The following TUBA8 variants were observed in gnomAD, a reference collection of about 807,000 sequenced individuals.
TUBA8 encodes the protein tubulin alpha 8, also known as tubulin alpha-8 chain.
Under a neutral mutation model 34.7 loss-of-function variants are expected in TUBA8, and 29 were observed. That is an observed-to-expected ratio of 0.84 (90% CI 0.62 to 1.14). TUBA8 has a LOEUF of 1.14. Among genes scored for constraint, TUBA8 ranks in the 50% most tolerant of loss-of-function variants. The pLI is 0.00. For synonymous variants in TUBA8, 226 were observed against 231.2 expected (o/e 0.98, Z 0.21); for missense variants, 541 against 599.2 (o/e 0.90, Z 1.01).
In TUBA8 at chr22:18,118,350, T is replaced by C. The variant is rs758203098; in HGVS notation, c.4-3129T>C. On this transcript the variant is annotated intron_variant, in intron 1 of 4. Transcript: ENST00000330423. The surrounding 1 kb of genome is among the most constrained non-coding windows in gnomAD (Gnocchi z 4.0). ...GTCTGGATAGGGACAAATGAGTTTTTCTCTGGGGGTTTTCTTTGAGGACTT... is the reference window on the plus strand; with the variant it reads ...GTCTGGATAGGGACAAATGAGTTTTCCTCTGGGGGTTTTCTTTGAGGACTT... 7.9e-5 allele frequency: 12 copies of C among 152,260 alleles called. No homozygotes were observed. Among genetic ancestry groups the C allele is most frequent in the Admixed American group, 7.2e-4 (11 of 15,282 alleles). 9.4% of individuals were successfully genotyped at this position (152,260 alleles called of 1,614,324 possible).
In TUBA8 at chr22:18,131,102, C is replaced by T. The variant is rs545311543; in HGVS notation, c.1316C>T (p.Ser439Leu). Residue 439 changes from serine (S) to leucine (L), a missense_variant, in exon 5 of 5, where the codon TCG (serine) becomes TTG (leucine). By Grantham distance (145) the Ser-to-Leu change is moderately radical. Coordinates refer to ENST00000330423, the MANE Select transcript of TUBA8 (RefSeq NM_018943.3). This position sits in a 1 kb window ranked among gnomAD's most constrained non-coding sequence, Gnocchi z 5.3. Reference sequence around the variant, plus strand: ...GATTATGAAGAAGTGGGGACTGATTCGTTTGAAGAAGAAAATGAAGGGGAG... The same window carrying T: ...GATTATGAAGAAGTGGGGACTGATTTGTTTGAAGAAGAAAATGAAGGGGAG... ...EKDYEEVGTD[S>L]FEEENEGEEF 6.0e-5 allele frequency: 97 copies of T among 1,614,150 alleles called. No individual in the cohort carries two copies. The highest frequency in any genetic ancestry group is 7.8e-5 in the Non-Finnish European group (92 of 1,180,036).
chr22:18,123,903 C>T, intron 2 of TUBA8: 1 of 512,884 alleles, frequency 1.9e-6, no homozygotes, highest in South Asian at 2.0e-5. Flanking sequence ...AAAGCTAAGT[C>T]TTTTTAGGGT....
In TUBA8 at chr22:18,111,469, C is replaced by G. The variant is rs1386430070; in HGVS notation, c.3+601C>G. 6.5e-6 allele frequency: 1 copy of G among 153,772 alleles called. No individual in the cohort carries two copies. The highest frequency in any genetic ancestry group is 1.9e-4 in the East Asian group (1 of 5,272). The allele number at this position is 153,772 out of a possible 1,614,324, so 9.5% of individuals were successfully genotyped here. On this transcript the variant is annotated intron_variant, in intron 1 of 4. Coordinates refer to ENST00000330423, the MANE Select transcript of TUBA8 (RefSeq NM_018943.3). The surrounding 1 kb of genome is among the most constrained non-coding windows in gnomAD (Gnocchi z 5.1). ...CCCAAGTCTTTCCAGCGGTCAGAGT[C>G]GAAGGACTTTGGGAGTAAGAAGTCT...
chr22:18,121,143 A>C lies in TUBA8; in HGVS notation c.4-336A>C, dbSNP rs928238139. 24 of 335,230 alleles carry C rather than the reference A, an allele frequency of 7.2e-5. No individual in the cohort carries two copies. Among genetic ancestry groups the C allele is most frequent in the African/African-American group, 4.4e-4 (21 of 47,396 alleles). 20.8% of individuals were successfully genotyped at this position (335,230 alleles called of 1,614,324 possible). A position where few individuals can be genotyped will look rare whatever the true frequency, so the allele number is the denominator to read the frequency against. On this transcript the variant is annotated intron_variant, in intron 1 of 4. Coordinates refer to ENST00000330423, the MANE Select transcript of TUBA8 (RefSeq NM_018943.3). This position sits in a 1 kb window ranked among gnomAD's most constrained non-coding sequence, Gnocchi z 4.8. The stretch of plus-strand genomic sequence containing the variant: ...AAGGAGAGTTTCTGCCATGATCGCC[A>C]GTTCTTCCTTGGGCCTTCTTCACCA...
chr22:18,131,576 C>CTTTTTAAT lies in TUBA8; in HGVS notation c.*440_*441insTTTTTAAT. On this transcript the variant is annotated 3_prime_UTR_variant, in exon 5 of 5. Coordinates refer to ENST00000330423, the MANE Select transcript of TUBA8 (RefSeq NM_018943.3). This position sits in a 1 kb window ranked among gnomAD's most constrained non-coding sequence, Gnocchi z 5.3. The stretch of plus-strand genomic sequence containing the variant: ...ACATGAGTGGGTCTATAGCCCGCTC[C>CTTTTTAAT]GGGCATCATCTAGACTTAGCATGCA... 1 of 244,510 alleles carries CTTTTTAAT rather than the reference C, an allele frequency of 4.1e-6. No homozygotes were observed. The highest frequency in any genetic ancestry group is 8.1e-6 in the Non-Finnish European group (1 of 123,842). The allele number at this position is 244,510 out of a possible 1,614,324, so 15.1% of individuals were successfully genotyped here.
In TUBA8 at chr22:18,131,003, A is replaced by C. The variant is rs146534790; in HGVS notation, c.1217A>C (p.His406Pro). The change falls in exon 5 of 5, where the codon CAT (histidine) becomes CCT (proline). Residue 406 changes from histidine (H) to proline (P), a missense_variant. His to Pro is a moderately conservative substitution (Grantham distance 77). Transcript: ENST00000330423. The surrounding 1 kb of genome is among the most constrained non-coding windows in gnomAD (Gnocchi z 5.3). Reference protein sequence around the residue: ...DLMYAKRAFVHWYVGEGMEEG... With the variant: ...DLMYAKRAFVPWYVGEGMEEG... ...ATGTACGCCAAGCGGGCCTTTGTGCATTGGTATGTGGGAGAGGGGATGGAA... is the reference window on the plus strand; with the variant it reads ...ATGTACGCCAAGCGGGCCTTTGTGCCTTGGTATGTGGGAGAGGGGATGGAA... 4 of 1,614,028 alleles carry C rather than the reference A, an allele frequency of 2.5e-6. No homozygotes were observed. The African/African-American group carries it at 5.3e-5, about 22-fold the overall frequency.
chr22:18,113,110 G>A (rs1369158353), intron 1 of TUBA8: 2 of 152,208 alleles, frequency 1.3e-5, no homozygotes, highest in African/African-American at 4.8e-5. Flanking sequence ...CATTTCTCTA[G>A]CTGCTAGGCA....
intron 1 of TUBA8, chr22:18,117,098 G>A (rs1396358392): frequency 6.6e-6 from 1 of 152,136 alleles, no homozygotes; most frequent in Non-Finnish European, 1.5e-5. Context: ...TATGATTTTT[G>A]CTTTTTACTA....
intron 1 of TUBA8, chr22:18,116,959 C>T (rs1432474101): frequency 6.6e-6 from 1 of 152,250 alleles, no homozygotes; most frequent in African/African-American, 2.4e-5. Flanking sequence ...CTTCATGGAA[C>T]TTCAAAGCCC....
In TUBA8 at chr22:18,126,120, C is replaced by T. The variant is rs781188324; in HGVS notation, c.376-234C>T. ...TCAATGGATCCTCCTGCCTCAGCTT[C>T]CCAAACTGCTGGGATTACAGGCATT... On this transcript the variant is annotated intron_variant, in intron 3 of 4. Transcript: ENST00000330423. This position sits in a 1 kb window ranked among gnomAD's most constrained non-coding sequence, Gnocchi z 4.0. The T allele has an allele frequency of 2.2e-4, 125 of 558,144 alleles. No individual in the cohort carries two copies. The highest frequency in any genetic ancestry group is 3.8e-4 in the Non-Finnish European group (120 of 312,942). The allele number at this position is 558,144 out of a possible 1,614,324, so 34.6% of individuals were successfully genotyped here. A position where few individuals can be genotyped will look rare whatever the true frequency, so the allele number is the denominator to read the frequency against.
Position 18,110,961 on chromosome 22 carries a change from T to G in TUBA8, c.3+93T>G. The G allele has an allele frequency of 6.5e-7, 1 of 1,527,662 alleles. No individual in the cohort carries two copies. Among genetic ancestry groups the G allele is most frequent in the East Asian group, 2.4e-5 (1 of 40,834 alleles). 94.6% of individuals were successfully genotyped at this position (1,527,662 alleles called of 1,614,324 possible). ...GCGGAGGCGCACGGACCCGTCTTCC[T>G]GGAGCCGCAGGGCTCAAGGCCTTCT... On this transcript the variant is annotated intron_variant, in intron 1 of 4. Coordinates refer to ENST00000330423, the MANE Select transcript of TUBA8 (RefSeq NM_018943.3). This position sits in a 1 kb window ranked among gnomAD's most constrained non-coding sequence, Gnocchi z 6.2.
chr22:18,115,037 A>G (rs945936859), intron 1 of TUBA8: 5 of 152,052 alleles, frequency 3.3e-5, no homozygotes, highest in Admixed American at 2.0e-4. Context: ...AATTTCTTTT[A>G]TTGATGCTCT....
chr22:18,121,249 G>A lies in TUBA8; in HGVS notation c.4-230G>A. ...TCCTTTTTTCTTTCCTGGTATAAAA[G>A]GTCAACCCTGGGAAGCAACCTTTAG... On this transcript the variant is annotated intron_variant, in intron 1 of 4. Coordinates refer to ENST00000330423, the MANE Select transcript of TUBA8 (RefSeq NM_018943.3). The surrounding 1 kb of genome is among the most constrained non-coding windows in gnomAD (Gnocchi z 4.8). 1.8e-6 allele frequency: 1 copy of A among 555,994 alleles called. No individual in the cohort carries two copies. Among genetic ancestry groups the A allele is most frequent in the Non-Finnish European group, 3.3e-6 (1 of 307,324 alleles). The allele number at this position is 555,994 out of a possible 1,614,324, so 34.4% of individuals were successfully genotyped here.
In TUBA8 at chr22:18,110,965, G is replaced by A; in HGVS notation, c.3+97G>A. On this transcript the variant is annotated intron_variant, in intron 1 of 4. Transcript: ENST00000330423. This position sits in a 1 kb window ranked among gnomAD's most constrained non-coding sequence, Gnocchi z 6.2. ...AGGCGCACGGACCCGTCTTCCTGGAGCCGCAGGGCTCAAGGCCTTCTGGGG... is the reference window on the plus strand; with the variant it reads ...AGGCGCACGGACCCGTCTTCCTGGAACCGCAGGGCTCAAGGCCTTCTGGGG... 1 of 1,525,342 alleles carries A rather than the reference G, an allele frequency of 6.6e-7. No individual in the cohort carries two copies. Among genetic ancestry groups the A allele is most frequent in the Non-Finnish European group, 8.8e-7 (1 of 1,139,344 alleles). The allele number at this position is 1,525,342 out of a possible 1,614,324, so 94.5% of individuals were successfully genotyped here. A position where few individuals can be genotyped will look rare whatever the true frequency, so the allele number is the denominator to read the frequency against.
Position 18,110,934 on chromosome 22 carries a change from A to G in TUBA8, c.3+66A>G. ...AGGCGTAGGACCGAGAGCCGAGTCT[A>G]CGCGGAGGCGCACGGACCCGTCTTC... On this transcript the variant is annotated intron_variant, in intron 1 of 4. Coordinates refer to ENST00000330423, the MANE Select transcript of TUBA8 (RefSeq NM_018943.3). This position sits in a 1 kb window ranked among gnomAD's most constrained non-coding sequence, Gnocchi z 6.2. The G allele has an allele frequency of 6.5e-7, 1 of 1,535,074 alleles. No homozygotes were observed.
rs1034302771 is a variant in TUBA8, at chr22:18,131,406, C to T, written c.*270C>T. 1.7e-5 allele frequency: 8 copies of T among 464,310 alleles called. No individual in the cohort carries two copies. The highest frequency in any genetic ancestry group is 3.2e-5 in the Non-Finnish European group (8 of 252,678). 28.8% of individuals were successfully genotyped at this position (464,310 alleles called of 1,614,324 possible). A position where few individuals can be genotyped will look rare whatever the true frequency, so the allele number is the denominator to read the frequency against. ...TGAGGCTGCAGCCCAGTTTCACATG[C>T]GAGGAGGCCTAATCAGGAGTTTCAA... On this transcript the variant is annotated 3_prime_UTR_variant, in exon 5 of 5. Transcript: ENST00000330423. The surrounding 1 kb of genome is among the most constrained non-coding windows in gnomAD (Gnocchi z 5.3).
In TUBA8 at chr22:18,121,607, C is replaced by T. The variant is rs760983756; in HGVS notation, c.132C>T (p.Asn44=). The change falls in exon 2 of 5, where the codon AAC becomes AAT. Residue 44 remains asparagine (N), a synonymous_variant. Coordinates refer to ENST00000330423, the MANE Select transcript of TUBA8 (RefSeq NM_018943.3). The surrounding 1 kb of genome is among the most constrained non-coding windows in gnomAD (Gnocchi z 4.8). ...GTFDAQASKI[N]DDDSFTTFFS... is the part of the protein sequence containing the mutation. ...TTGATGCTCAAGCTAGCAAGATCAA[C>T]GATGATGACTCCTTCACCACCTTTT... The T allele has an allele frequency of 5.7e-5, 92 of 1,614,104 alleles. No homozygotes were observed. The highest frequency in any genetic ancestry group is 8.0e-5 in the African/African-American group (6 of 74,924).
At chr22:18,128,254 C>T (rs2123707842) in intron 4 of TUBA8, 1 of 152,284 alleles carries the variant, frequency 6.6e-6, no homozygotes, top group Admixed American at 6.5e-5. Flanking sequence ...TAAGCAAAAA[C>T]CAGCAAGCCG....
In TUBA8 at chr22:18,126,729, G is replaced by A. The variant is rs757012050; in HGVS notation, c.751G>A (p.Asp251Asn). ...CCGCTTTGACGGGGCCCTCAATGTGGACCTCACTGAGTTCCAGACCAACCT... is the reference window on the plus strand; with the variant it reads ...CCGCTTTGACGGGGCCCTCAATGTGAACCTCACTGAGTTCCAGACCAACCT... ...SLRFDGALNV[D>N]LTEFQTNLVP... Residue 251 changes from aspartate (D) to asparagine (N), a missense_variant, in exon 4 of 5, where the codon GAC (aspartate) becomes AAC (asparagine). Physicochemically the swap from Asp to Asn is conservative, Grantham distance 23. Coordinates refer to ENST00000330423, the MANE Select transcript of TUBA8 (RefSeq NM_018943.3). The surrounding 1 kb of genome is among the most constrained non-coding windows in gnomAD (Gnocchi z 4.0). The A allele has an allele frequency of 6.2e-7, 1 of 1,614,050 alleles. No individual in the cohort carries two copies. The highest frequency in any genetic ancestry group is 1.1e-5 in the South Asian group (1 of 91,066).
Sources: allele counts gnomAD v4.1 joint callset, GRCh38; gene constraint gnomAD v4.1.1; non-coding constraint Gnocchi (gnomAD v3.1); transcripts MANE v1.5; gene names NCBI Gene and HGNC (gene_info 2026-07-23, HGNC 2026-07-21).